Variants in ANKRD36 observed in about 807,000 individuals in gnomAD.
The protein encoded by ANKRD36 is ankyrin repeat domain-containing protein 36A.
In ANKRD36, 179 loss-of-function variants were observed where a neutral mutation model predicts 278.1. The observed-to-expected ratio is 0.64, with a 90% CI of 0.57 to 0.73. The LOEUF is 0.73. Ranked by LOEUF, ANKRD36 falls within the 30% of genes least tolerant of loss-of-function variation. The probability of loss-of-function intolerance (pLI) is 0.00; values close to 1 mark genes in which losing one functional copy is unlikely to be tolerated. For missense variants in ANKRD36, 1,159 were observed against 1,956.7 expected (o/e 0.59, Z 7.69); for synonymous variants, 320 against 641.1 (o/e 0.50, Z 7.57).
At chr2:97,232,880 A>C (rs1183254373) in intron 67 of ANKRD36, among the ~76,000 whole-genome samples, 4 of 152,082 alleles carry the variant, frequency 2.6e-5, no homozygotes, top group Non-Finnish European at 5.9e-5. Flanking sequence ...ATAGGTTGTG[A>C]GGCAAATGAC....
chr2:97,203,169 G>C (rs1341185690), intron 48 of ANKRD36, among the ~76,000 whole-genome samples: 2 of 151,772 alleles, frequency 1.3e-5, no homozygotes, highest in African/African-American at 2.4e-5. Context: ...GGATACCATA[G>C]CTATTTCATG....
chr2:97,229,389 T>C (rs2071099148), intron 67 of ANKRD36, among the ~76,000 whole-genome samples: 1 of 152,100 alleles, frequency 6.6e-6, no homozygotes, highest in Admixed American at 6.5e-5. Context: ...TACCATTATG[T>C]AATGGCCTTC....
intron 30 of ANKRD36, among the ~76,000 whole-genome samples, chr2:97,185,899 T>C (rs1204983268): frequency 2.6e-5 from 4 of 151,794 alleles, no homozygotes; most frequent in African/African-American, 9.7e-5. Context: ...GTGATCGTAA[T>C]AACCAGTAAA....
chr2:97,194,585 TC>T, intron 38 of ANKRD36, 140 bp from the exon 39 acceptor site: 3 of 1,479,922 alleles, frequency 2.0e-6, no homozygotes, highest in Non-Finnish European at 2.8e-6. Flanking sequence ...CATGTTCTGG[TC>T]CCCAGACAGA....
intron 67 of ANKRD36, among the ~76,000 whole-genome samples, chr2:97,226,249 A>G (rs1269966087): frequency 6.6e-6 from 1 of 151,870 alleles, no homozygotes; most frequent in East Asian, 2.0e-4. Context: ...CAACAGTGTA[A>G]AAGTGTTCCT....
intron 6 of ANKRD36, among the ~76,000 whole-genome samples, chr2:97,127,428 T>A (rs915277511): frequency 6.6e-6 from 1 of 152,108 alleles, no homozygotes; most frequent in African/African-American, 2.4e-5. Flanking sequence ...TATGTTTTTT[T>A]ATAGTCACAT....
intron 38 of ANKRD36, among the ~76,000 whole-genome samples, chr2:97,194,497 T>A (rs200079700): frequency 6.6e-6 from 1 of 151,586 alleles, no homozygotes; most frequent in Non-Finnish European, 1.5e-5. Context: ...TTTCGACACA[T>A]AAAAAATCAT....
intron 1 of ANKRD36, among the ~76,000 whole-genome samples, chr2:97,114,320 A>C: frequency 1.2e-5 from 1 of 80,408 alleles, no homozygotes; most frequent in Admixed American, 1.5e-4. Flanking sequence ...GGGTGGGGGA[A>C]AGGGGTGCAG....
intron 4 of ANKRD36, among the ~76,000 whole-genome samples, chr2:97,123,868 A>AT (rs2037708129): frequency 6.8e-6 from 1 of 146,814 alleles, no homozygotes; most frequent in South Asian, 2.1e-4. Flanking sequence ...TATATTATAT[A>AT]TTTTATAGAT....
At chr2:97,155,250 C>T (rs1385599512) in intron 15 of ANKRD36, among the ~76,000 whole-genome samples, 1 of 142,846 alleles carries the variant, frequency 7.0e-6, no homozygotes, top group Non-Finnish European at 1.6e-5. Flanking sequence ...AGTATTTTTG[C>T]AGAGAGCTAC....
intron 48 of ANKRD36, 51 bp downstream of exon 48, chr2:97,202,444 G>A: frequency 6.5e-7 from 1 of 1,540,246 alleles, no homozygotes; most frequent in South Asian, 1.2e-5. Context: ...TAGATAAGAA[G>A]TTCTCTTCCC....
rs530881320 is a variant in ANKRD36, at chr2:97,204,002, C to A, written c.2960-66C>A. ...AGGACAGAGGCTGATGCTAACACTG[C>A]ATGAATGTATGGATAATTTTGTCAT... On this transcript the variant is annotated intron_variant, in intron 48 of 75. Transcript: ENST00000420699. The A allele has an allele frequency of 9.1e-6, 14 of 1,536,104 alleles. No individual in the cohort carries two copies. The African/African-American group carries it at 1.7e-4, about 18-fold the overall frequency.
Position 97,113,551 on chromosome 2 carries a change from C to T in ANKRD36, c.-189C>T. 6 of 667,338 alleles carry T rather than the reference C, an allele frequency of 9.0e-6. No individual in the cohort carries two copies. In the Admixed American group the frequency reaches 1.5e-4, roughly 17 times the overall value. The allele number at this position is 667,338 out of a possible 1,614,324, so 41.3% of individuals were successfully genotyped here. ...CTGCCTCGGGCCTGTTGGGCAGGGC[C>T]GGCTAAGGTGCGCGTGCTCGCTGGT... On this transcript the variant is annotated 5_prime_UTR_variant, in exon 1 of 76. Transcript: ENST00000420699.
intron 15 of ANKRD36, among the ~76,000 whole-genome samples, chr2:97,156,817 A>G (rs1307606316): frequency 2.7e-5 from 4 of 147,826 alleles, no homozygotes; most frequent in Non-Finnish European, 4.5e-5. Flanking sequence ...CAATGGTTGA[A>G]CTAGTTTACA....
chr2:97,148,524 T>C (rs531734414), intron 11 of ANKRD36, among the ~76,000 whole-genome samples: 2 of 152,320 alleles, frequency 1.3e-5, no homozygotes, highest in African/African-American at 4.8e-5. Flanking sequence ...GTCTCTCTCT[T>C]GGGTATCTGA....
chr2:97,154,928 A>C (rs1166252656), intron 15 of ANKRD36, among the ~76,000 whole-genome samples, 187 bp downstream of exon 15: 2 of 145,512 alleles, frequency 1.4e-5, no homozygotes, highest in Non-Finnish European at 3.1e-5. Context: ...TTTACTTTGC[A>C]AATAAGAAAT....
intron 67 of ANKRD36, 47 bp downstream of exon 67, chr2:97,224,926 TAGCTTTGGTAATAC>T (rs2068935106): frequency 1.1e-6 from 1 of 921,610 alleles, no homozygotes; most frequent in African/African-American, 1.8e-5. Context: ...CTTGTTTTCC[TAGCTTTGGTAATAC>T]AGCATATTTG....
At chr2:97,178,933 TG>T (rs2055270793) in intron 22 of ANKRD36, among the ~76,000 whole-genome samples, 1 of 151,676 alleles carries the variant, frequency 6.6e-6, no homozygotes, top group African/African-American at 2.4e-5. Context: ...GACTCCCAAA[TG>T]GTTATTTTCA....
chr2:97,215,791 A>G (rs1205573047), intron 62 of ANKRD36: 25 of 659,034 alleles, frequency 3.8e-5, no homozygotes, highest in Middle Eastern at 8.0e-4. Context: ...TTCTACAGCA[A>G]GTTTCCATCA....
Sources: gnomAD v4.1 joint callset for allele counts (sites outside exome capture counted in the v4.1 genomes callset) on GRCh38, gnomAD v4.1.1 for gene constraint, MANE v1.5 for transcripts, NCBI Gene and HGNC (gene_info 2026-07-23, HGNC 2026-07-21) for gene names.